CACNB3: variants seen among roughly 807,000 people sequenced by gnomAD.
The protein encoded by CACNB3 is calcium voltage-gated channel auxiliary subunit beta 3, also known as voltage-dependent L-type calcium channel subunit beta-3.
CACNB3 carries 36 observed loss-of-function variants against 63.7 expected under a neutral mutation model. The observed-to-expected ratio is 0.57, with a 90% CI of 0.43 to 0.75. CACNB3 has a LOEUF of 0.75. CACNB3 is among the 30% of genes least tolerant of loss of function. The probability of loss-of-function intolerance (pLI) is 0.00; values close to 1 mark genes in which losing one functional copy is unlikely to be tolerated. For synonymous variants in CACNB3, 241 were observed against 250.6 expected, an observed-to-expected ratio of 0.96 and a Z score of 0.36; for missense variants, 493 against 648.6, an observed-to-expected ratio of 0.76 and a Z score of 2.61.
rs534916878 is a variant in CACNB3, at chr12:48,825,296, G to A, written c.573+53G>A. On this transcript the variant is annotated intron_variant, in intron 7 of 12. Coordinates refer to ENST00000301050, the MANE Select transcript of CACNB3 (RefSeq NM_000725.4). The surrounding 1 kb of genome is among the most constrained non-coding windows in gnomAD (Gnocchi z 4.5). The stretch of plus-strand genomic sequence containing the variant: ...GTCACCTCTACCAAGCCTGCCACAG[G>A]AAGTCCCTAGGGAAAGTGGAAGGGG... 1.0e-3 allele frequency: 1,591 copies of A among 1,589,224 alleles called. No homozygotes were observed. The highest frequency in any genetic ancestry group is 1.2e-3 in the Non-Finnish European group (1,439 of 1,158,548).
Position 48,823,647 on chromosome 12 carries a change from T to C in CACNB3, c.169-34T>C. The stretch of plus-strand genomic sequence containing the variant: ...GAAGCTGGAAGGGGTGCTTCGAGCC[T>C]TCTCTCACTTGCACTAATGGGCAAA... On this transcript the variant is annotated intron_variant, in intron 2 of 12. Coordinates refer to ENST00000301050, the MANE Select transcript of CACNB3 (RefSeq NM_000725.4). The surrounding 1 kb of genome is among the most constrained non-coding windows in gnomAD (Gnocchi z 4.2). 1 of 1,613,996 alleles carries C rather than the reference T, an allele frequency of 6.2e-7. No individual in the cohort carries two copies. The highest frequency in any genetic ancestry group is 8.5e-7 in the Non-Finnish European group (1 of 1,179,966).
rs1181060021 is a variant in CACNB3, at chr12:48,818,773, CG to C, written c.-155del. The C allele has an allele frequency of 1.3e-5, 18 of 1,345,856 alleles. No individual in the cohort carries two copies. The highest frequency in any genetic ancestry group is 1.6e-5 in the Non-Finnish European group (17 of 1,048,936). The allele number at this position is 1,345,856 out of a possible 1,614,324, so 83.4% of individuals were successfully genotyped here. A position where few individuals can be genotyped will look rare whatever the true frequency, so the allele number is the denominator to read the frequency against. On this transcript the variant is annotated 5_prime_UTR_variant, in exon 1 of 13. Transcript: ENST00000301050. The surrounding 1 kb of genome is among the most constrained non-coding windows in gnomAD (Gnocchi z 4.3). The stretch of plus-strand genomic sequence containing the variant: ...CTGAGCTCCGAGCAGCTGGTCTTCG[CG>C]GCTCGCTCCCTCCTTCGCGCTCTCT...
chr12:48,825,648 C>T lies in CACNB3; in HGVS notation c.633-12C>T. On this transcript the variant is annotated splice_polypyrimidine_tract_variant and intron_variant, in intron 8 of 12. Coordinates refer to ENST00000301050, the MANE Select transcript of CACNB3 (RefSeq NM_000725.4). The surrounding 1 kb of genome is among the most constrained non-coding windows in gnomAD (Gnocchi z 4.5). ...TTTAGAAGCAAGCTGTGATTCTCCA[C>T]TCCCACCCCAGGATCTCCATCACCC... 1 of 1,608,382 alleles carries T rather than the reference C, an allele frequency of 6.2e-7. No homozygotes were observed. Among genetic ancestry groups the T allele is most frequent in the African/African-American group, 1.3e-5 (1 of 74,906 alleles).
Position 48,823,283 on chromosome 12 carries a change from G to A in CACNB3, c.46-61G>A, listed in dbSNP as rs1937950799. The A allele has an allele frequency of 6.3e-7, 1 of 1,589,688 alleles. No individual in the cohort carries two copies. The highest frequency in any genetic ancestry group is 1.3e-5 in the African/African-American group (1 of 74,392). On this transcript the variant is annotated intron_variant, in intron 1 of 12. Transcript: ENST00000301050. This position sits in a 1 kb window ranked among gnomAD's most constrained non-coding sequence, Gnocchi z 4.2. Reference sequence around the variant, plus strand: ...AGAGGCAACACTGTAAGGTGAGGAGGGTGCCTCCATGGCATCCTTCATGCC... The same window carrying A: ...AGAGGCAACACTGTAAGGTGAGGAGAGTGCCTCCATGGCATCCTTCATGCC...
intron 1 of CACNB3, among the ~76,000 whole-genome samples, chr12:48,822,642 G>A (rs184282130): frequency 2.0e-4 from 30 of 152,274 alleles, no homozygotes; most frequent in African/African-American, 6.7e-4. Context: ...CTTGTTTGCT[G>A]CCCACACCTG....
chr12:48,823,312 G>A lies in CACNB3; in HGVS notation c.46-32G>A. ...CCTCCATGGCATCCTTCATGCCGGAGCCTGGGAGTCACAGCCTCTTTCCCA... is the reference window on the plus strand; with the variant it reads ...CCTCCATGGCATCCTTCATGCCGGAACCTGGGAGTCACAGCCTCTTTCCCA... On this transcript the variant is annotated intron_variant, in intron 1 of 12. Coordinates refer to ENST00000301050, the MANE Select transcript of CACNB3 (RefSeq NM_000725.4). The surrounding 1 kb of genome is among the most constrained non-coding windows in gnomAD (Gnocchi z 4.2). 6.2e-7 allele frequency: 1 copy of A among 1,609,658 alleles called. No individual in the cohort carries two copies. Among genetic ancestry groups the A allele is most frequent in the Non-Finnish European group, 8.5e-7 (1 of 1,177,842 alleles).
At chr12:48,819,512 C>G (rs996018605) in intron 1 of CACNB3, 2 of 323,898 alleles carry the variant, frequency 6.2e-6, no homozygotes, top group African/African-American at 4.4e-5. Flanking sequence ...CCCTTCCACC[C>G]CCTCCATCTC....
upstream of CACNB3, chr12:48,816,838 GAA>G (rs779476324): frequency 1.1e-4 from 108 of 985,388 alleles, 1 homozygote; most frequent in Admixed American, 1.6e-3. Flanking sequence ...GATGGGAAGA[GAA>G]ACAGCTGCCT....
At chr12:48,827,540 GTGAGGTC>G (rs1422015133) in intron 12 of CACNB3, 38 bp from the exon 13 acceptor site, 1 of 1,551,172 alleles carries the variant, frequency 6.4e-7, no homozygotes, top group African/African-American at 1.4e-5. Context: ...AGAAGACAAG[GTGAGGTC>G]TGTACTGCCT....
chr12:48,814,561 C>T (rs910706895), upstream of CACNB3: 5 of 1,519,458 alleles, frequency 3.3e-6, no homozygotes, highest in African/African-American at 2.8e-5. The surrounding 1 kb of genome is among the most constrained non-coding windows in gnomAD (Gnocchi z 6.9). Flanking sequence ...GAGGTAGGGA[C>T]GGGCTAGGGT....
In CACNB3 at chr12:48,825,913, C is replaced by G; in HGVS notation, c.742+144C>G. ...GTGAGATCTCGGCTCACTGCAACCT[C>G]CACCTCCTGGGTTCAAGCGATCTTC... On this transcript the variant is annotated intron_variant, in intron 9 of 12. Coordinates refer to ENST00000301050, the MANE Select transcript of CACNB3 (RefSeq NM_000725.4). This position sits in a 1 kb window ranked among gnomAD's most constrained non-coding sequence, Gnocchi z 4.5. 1 of 618,554 alleles carries G rather than the reference C, an allele frequency of 1.6e-6. No individual in the cohort carries two copies. The highest frequency in any genetic ancestry group is 2.9e-6 in the Non-Finnish European group (1 of 348,212). 38.3% of individuals were successfully genotyped at this position (618,554 alleles called of 1,614,324 possible).
At chr12:48,824,209 G>T in intron 3 of CACNB3, 49 bp from the exon 4 acceptor site, 2 of 1,463,102 alleles carry the variant, frequency 1.4e-6, no homozygotes, top group African/African-American at 1.4e-5. Context: ...AGCCAGGACT[G>T]GGGCGGGGCG....
In CACNB3 at chr12:48,824,281, CG is replaced by C. The variant is rs1565667634; in HGVS notation, c.318del (p.Arg107GlyfsTer2). 1 of 1,613,030 alleles carries C rather than the reference CG, an allele frequency of 6.2e-7. No individual in the cohort carries two copies. The highest frequency in any genetic ancestry group is 8.5e-7 in the Non-Finnish European group (1 of 1,179,640). Reference sequence around the variant, plus strand: ...AGAAGTACAGCAATGACTGGTGGATCGGGCGGCTAGTGAAAGAGGGCGGGGA... The same window carrying C: ...AGAAGTACAGCAATGACTGGTGGATCGGCGGCTAGTGAAAGAGGGCGGGGA... ...KEKYSNDWWIGRLVKEGGDIA... is the reference protein window; with the variant it reads ...KEKYSNDWWIXRLVKEGGDIA... On this transcript the variant is annotated frameshift_variant, in exon 4 of 13. Transcript: ENST00000301050. LOFTEE classifies it high-confidence loss of function.
Position 48,825,183 on chromosome 12 carries a change from T to A in CACNB3, c.513T>A (p.Tyr171Ter). The A allele has an allele frequency of 6.2e-7, 1 of 1,614,118 alleles. No homozygotes were observed. Among genetic ancestry groups the A allele is most frequent in the Non-Finnish European group, 8.5e-7 (1 of 1,180,008 alleles). Residue 171 changes from tyrosine (Y) to a stop codon, truncating the protein, a stop_gained, in exon 7 of 13, where the codon TAT (tyrosine) becomes TAA (stop). Coordinates refer to ENST00000301050, the MANE Select transcript of CACNB3 (RefSeq NM_000725.4). LOFTEE classifies it high-confidence loss of function. The surrounding 1 kb of genome is among the most constrained non-coding windows in gnomAD (Gnocchi z 4.5). Reference sequence around the variant, plus strand: ...TGCAGGCGGAACATGTTCCCCCATATGACGTGGTGCCCTCCATGCGGCCTG... The same window carrying A: ...TGCAGGCGGAACATGTTCCCCCATAAGACGTGGTGCCCTCCATGCGGCCTG... ...KQKQAEHVPP[Y>*]DVVPSMRPVV...
Position 48,827,125 on chromosome 12 carries a change from T to TA in CACNB3, c.1140+4dup. On this transcript the variant is annotated splice_region_variant and intron_variant, in intron 12 of 12. Coordinates refer to ENST00000301050, the MANE Select transcript of CACNB3 (RefSeq NM_000725.4). Reference sequence around the variant, plus strand: ...CCCAGTGCCATCCCCGGACTTCAGGTAACCATTTCCAGTGGGCAGAGATGC... The same window carrying TA: ...CCCAGTGCCATCCCCGGACTTCAGGTAAACCATTTCCAGTGGGCAGAGATGC... The TA allele has an allele frequency of 6.2e-7, 1 of 1,612,090 alleles. No individual in the cohort carries two copies. Among genetic ancestry groups the TA allele is most frequent in the Non-Finnish European group, 8.5e-7 (1 of 1,179,978 alleles).
In CACNB3 at chr12:48,825,175, C is replaced by T; in HGVS notation, c.505C>T (p.Pro169Ser). ...GTCCATTCTGCAGGCGGAACATGTT[C>T]CCCCATATGACGTGGTGCCCTCCAT... is the stretch of plus-strand genomic sequence containing the variant. ...KQKQKQAEHV[P>S]PYDVVPSMRP... The change falls in exon 7 of 13, where the codon CCC becomes TCC. Residue 169 changes from proline (P) to serine (S), a missense_variant. Transcript: ENST00000301050. This position sits in a 1 kb window ranked among gnomAD's most constrained non-coding sequence, Gnocchi z 4.5. 1.2e-6 allele frequency: 2 copies of T among 1,613,992 alleles called. No individual in the cohort carries two copies. The highest frequency in any genetic ancestry group is 8.5e-7 in the Non-Finnish European group (1 of 1,179,954).
rs371359931 is a variant in CACNB3 at position 48,825,518 on chromosome 12, C to G, written c.632+26C>G. 7 of 1,613,606 alleles carry G rather than the reference C, an allele frequency of 4.3e-6. No homozygotes were observed. Among genetic ancestry groups the G allele is most frequent in the African/African-American group, 1.3e-5 (1 of 74,916 alleles). On this transcript the variant is annotated intron_variant, in intron 8 of 12. Transcript: ENST00000301050. The surrounding 1 kb of genome is among the most constrained non-coding windows in gnomAD (Gnocchi z 4.5). Reference sequence around the variant, plus strand: ...GTAAGCTGCCCTGGCCTGAGGTGGCCTGAGAACCAAGGAGAAGCTCATGGC... The same window carrying G: ...GTAAGCTGCCCTGGCCTGAGGTGGCGTGAGAACCAAGGAGAAGCTCATGGC...
In CACNB3 at chr12:48,824,380, G is replaced by C. The variant is rs1383300019; in HGVS notation, c.407+7G>C. 6.3e-7 allele frequency: 1 copy of C among 1,597,342 alleles called. No individual in the cohort carries two copies. The highest frequency in any genetic ancestry group is 8.5e-7 in the Non-Finnish European group (1 of 1,172,148). On this transcript the variant is annotated splice_region_variant and intron_variant, in intron 4 of 12. Coordinates refer to ENST00000301050, the MANE Select transcript of CACNB3 (RefSeq NM_000725.4). The stretch of plus-strand genomic sequence containing the variant: ...AACAGGAGCAGAAGGCCAGGTGAGA[G>C]TTGGGCCATGAGTCAGTAAACACAC...
At chr12:48,815,570 G>A, upstream of CACNB3, 1 of 1,515,774 alleles carries the variant, frequency 6.6e-7, no homozygotes, top group Non-Finnish European at 8.8e-7. Context: ...GGAGCCCGGC[G>A]GGCGTGGGGC....
Sources: allele counts gnomAD v4.1 joint callset (sites outside exome capture counted in the v4.1 genomes callset), GRCh38; gene constraint gnomAD v4.1.1; non-coding constraint Gnocchi (gnomAD v3.1); transcripts MANE v1.5; gene names NCBI Gene and HGNC (gene_info 2026-07-23, HGNC 2026-07-21).